The following TMPRSS7 variants were observed in gnomAD, a reference collection of about 807,000 sequenced individuals.
TMPRSS7 encodes the protein transmembrane serine protease 7, also known as transmembrane protease serine 7.
TMPRSS7 carries 81 observed loss-of-function variants against 95.6 expected under a neutral mutation model. The observed-to-expected ratio is 0.85, with a 90% CI of 0.71 to 1.02. TMPRSS7 has a LOEUF of 1.02. Among genes scored for constraint, TMPRSS7 ranks in the 50% least tolerant of loss-of-function variants. TMPRSS7 has a pLI of 0.00. For synonymous variants in TMPRSS7, 364 were observed against 337.8 expected (o/e 1.08, Z -0.85); for missense variants, 945 against 955.2 (o/e 0.99, Z 0.14).
At chr3:112,043,442 G>T (rs532983877) in intron 3 of TMPRSS7, among the ~76,000 whole-genome samples, 1 of 151,712 alleles carries the variant, frequency 6.6e-6, no homozygotes, top group South Asian at 2.1e-4. Flanking sequence ...CACTTTATAG[G>T]TGAAAAAGAA....
chr3:112,078,616 T>C lies in TMPRSS7; in HGVS notation c.2225-126T>C. ...CAGCAAAATGAGGATAATAGTAGAA[T>C]TTACCTCAAGGGAATTGCCGCTATG... On this transcript the variant is annotated intron_variant, in intron 16 of 17. Transcript: ENST00000452346. The C allele has an allele frequency of 3.1e-6, 4 of 1,270,148 alleles. No individual in the cohort carries two copies. The South Asian group carries it at 5.7e-5, about 18-fold the overall frequency. The allele number at this position is 1,270,148 out of a possible 1,614,324, so 78.7% of individuals were successfully genotyped here.
intron 10 of TMPRSS7, among the ~76,000 whole-genome samples, chr3:112,058,109 G>A (rs929127537): frequency 6.6e-6 from 1 of 152,226 alleles, no homozygotes; most frequent in South Asian, 2.1e-4. Flanking sequence ...ATTCTGTTAA[G>A]TTAAAGGATT....
chr3:112,064,451 C>T (rs1438785668), intron 12 of TMPRSS7, among the ~76,000 whole-genome samples: 3 of 152,084 alleles, frequency 2.0e-5, no homozygotes, highest in Middle Eastern at 3.4e-3. Context: ...TGGACTCAAG[C>T]GATCCTCCCA....
At position 112,042,063 on chromosome 3, in the gene TMPRSS7, A is replaced by C; in HGVS notation, c.429+13A>C. 6.5e-7 allele frequency: 1 copy of C among 1,550,386 alleles called. No individual in the cohort carries two copies. Among genetic ancestry groups the C allele is most frequent in the Middle Eastern group, 1.7e-4 (1 of 5,986 alleles). ...TGTGCAGCAAGTGGTGAGGCGATGG[A>C]GGTAGAGGGTATTAGGGTAGAGTGG... On this transcript the variant is annotated intron_variant, in intron 3 of 17. Coordinates refer to ENST00000452346, the Ensembl canonical transcript of TMPRSS7.
chr3:112,053,436 C>G (rs150085104), intron 9 of TMPRSS7, among the ~76,000 whole-genome samples: 1 of 152,264 alleles, frequency 6.6e-6, no homozygotes, highest in Non-Finnish European at 1.5e-5. Flanking sequence ...GTCCACTCAA[C>G]AATGCTTATT....
chr3:112,073,916 T>C (rs2073682043), intron 13 of TMPRSS7, among the ~76,000 whole-genome samples: 1 of 152,248 alleles, frequency 6.6e-6, no homozygotes, highest in African/African-American at 2.4e-5. Context: ...CTCCTACTGA[T>C]ATAAAATAAC....
At chr3:112,066,212 A>C (rs552728146) in intron 12 of TMPRSS7, among the ~76,000 whole-genome samples, 180 bp from the exon 13 acceptor site, 2 of 152,366 alleles carry the variant, frequency 1.3e-5, no homozygotes, top group African/African-American at 4.8e-5. Context: ...CGTGCTAGAA[A>C]TCACACCAAA....
Position 112,049,944 on chromosome 3 carries a change from CG to C in TMPRSS7, c.1063del (p.Ala355HisfsTer55), listed in dbSNP as rs1480333025. ...TCATATACGGAGGCTCTCAGGAATCCGGGCATATTTTGAGGTCATTCCAGAA... is the reference window on the plus strand; with the variant it reads ...TCATATACGGAGGCTCTCAGGAATCCGGCATATTTTGAGGTCATTCCAGAA... On this transcript the variant is annotated frameshift_variant, in exon 8 of 18. Coordinates refer to ENST00000452346, the Ensembl canonical transcript of TMPRSS7. LOFTEE classifies it high-confidence loss of function. 2 of 1,570,904 alleles carry C rather than the reference CG, an allele frequency of 1.3e-6. No individual in the cohort carries two copies. The highest frequency in any genetic ancestry group is 1.3e-5 in the African/African-American group (1 of 74,372).
chr3:112,054,004 A>G (rs1189461282), intron 9 of TMPRSS7, among the ~76,000 whole-genome samples: 1 of 152,246 alleles, frequency 6.6e-6, no homozygotes, highest in Non-Finnish European at 1.5e-5. Flanking sequence ...TCTGCCAGGC[A>G]TAAGCATGGA....
intron 9 of TMPRSS7, 101 bp from the exon 10 acceptor site, chr3:112,056,924 A>G (rs540539831): frequency 9.5e-6 from 7 of 737,702 alleles, no homozygotes; most frequent in South Asian, 9.3e-5. Flanking sequence ...TAAGGGCCAC[A>G]GGGCGCAAGT....
At chr3:112,077,227 G>T (rs575629250) in intron 16 of TMPRSS7, 83 bp downstream of exon 16, 1 of 1,488,042 alleles carries the variant, frequency 6.7e-7, no homozygotes, top group Non-Finnish European at 9.1e-7. Context: ...TTCACAGAGA[G>T]GGTTTGTGTA....
intron 5 of TMPRSS7, 26 bp downstream of exon 5, chr3:112,045,969 G>T: frequency 6.5e-7 from 1 of 1,532,508 alleles, no homozygotes; most frequent in Non-Finnish European, 8.8e-7. Context: ...TTTTCCTTTA[G>T]CATTCCTTCC....
intron 11 of TMPRSS7, 26 bp from the exon 12 acceptor site, chr3:112,063,499 A>C: frequency 6.3e-7 from 1 of 1,580,594 alleles, no homozygotes; most frequent in Middle Eastern, 1.7e-4. Flanking sequence ...AAGATTTTCT[A>C]TTTTTTGATT....
intron 3 of TMPRSS7, 56 bp downstream of exon 3, chr3:112,042,106 G>A: frequency 7.0e-7 from 1 of 1,427,064 alleles, no homozygotes; most frequent in Non-Finnish European, 9.7e-7. Flanking sequence ...GGGAGGTGGG[G>A]GATGAAGCTG....
At chr3:112,059,327 G>A (rs2073472304) in intron 10 of TMPRSS7, among the ~76,000 whole-genome samples, 1 of 152,122 alleles carries the variant, frequency 6.6e-6, no homozygotes, top group African/African-American at 2.4e-5. Context: ...TCATGTGTCT[G>A]TCTATATAAA....
rs932603292 is a variant in TMPRSS7 at position 112,080,561 on chromosome 3, A to G, written c.2362-353A>G. On this transcript the variant is annotated intron_variant, in intron 17 of 17. Coordinates refer to ENST00000452346, the Ensembl canonical transcript of TMPRSS7. ...TACTACTACTACCACCACTACTACTACTACTACTATTACCACCACCACCAC... is the reference window on the plus strand; with the variant it reads ...TACTACTACTACCACCACTACTACTGCTACTACTATTACCACCACCACCAC... 8.4e-5 allele frequency among the ~76,000 whole-genome samples: 7 copies of G among 83,696 alleles called. No individual in the cohort carries two copies. The East Asian group carries it at 2.0e-3, about 24-fold the overall frequency. The allele number at this position is 83,696 out of a possible 152,430, so 54.9% of individuals were successfully genotyped here.
chr3:112,077,129 C>CGAA, exon 16 of TMPRSS7: 1 of 1,613,756 alleles, frequency 6.2e-7, no homozygotes, highest in Non-Finnish European at 8.5e-7. Flanking sequence ...TGGCTGGGGG[C>CGAA]GAAGACACGA....
chr3:112,076,778 C>T lies in TMPRSS7; in HGVS notation c.1956-98C>T, dbSNP rs148890839. 1.3e-3 allele frequency: 1,755 copies of T among 1,399,306 alleles called. 7 individuals are homozygous for T. Among genetic ancestry groups the T allele is most frequent in the Non-Finnish European group, 1.4e-3 (1,461 of 1,020,866 alleles). 86.7% of individuals were successfully genotyped at this position (1,399,306 alleles called of 1,614,324 possible). ...CTATAATAACACCCTGGAAGTCAGG[C>T]CCTTCTTTTTCAGCCCTCAACTCTT... On this transcript the variant is annotated intron_variant, in intron 15 of 17. Coordinates refer to ENST00000452346, the Ensembl canonical transcript of TMPRSS7.
intron 9 of TMPRSS7, among the ~76,000 whole-genome samples, chr3:112,056,590 G>A (rs376551864): frequency 6.6e-6 from 1 of 152,130 alleles, no homozygotes; most frequent in African/African-American, 2.4e-5. Context: ...CTCACTAACA[G>A]CCTTCAGAAA....
Sources: gnomAD v4.1 joint callset for allele counts (sites outside exome capture counted in the v4.1 genomes callset) on GRCh38, gnomAD v4.1.1 for gene constraint, MANE v1.5 for transcripts, NCBI Gene and HGNC (gene_info 2026-07-23, HGNC 2026-07-21) for gene names.